Variants in CLSTN2 observed in about 807,000 individuals in gnomAD.
CLSTN2 encodes calsyntenin 2, also known as calsyntenin-2.
A neutral mutation model predicts 101.2 loss-of-function variants in CLSTN2; 48 were observed. The ratio of observed to expected loss-of-function variants is 0.47; its 90% CI spans 0.38 to 0.60. CLSTN2 has a LOEUF of 0.60. Among genes scored for constraint, CLSTN2 ranks in the 20% least tolerant of loss-of-function variants. The probability of loss-of-function intolerance (pLI) is 0.00; values close to 1 mark genes in which losing one functional copy is unlikely to be tolerated. For synonymous variants in CLSTN2, 481 were observed against 463.6 expected, an observed-to-expected ratio of 1.04 and a Z score of -0.48; for missense variants, 1,160 against 1,238.2, an observed-to-expected ratio of 0.94 and a Z score of 0.95.
intron 1 of CLSTN2, among the ~76,000 whole-genome samples, chr3:140,026,266 G>C (rs938136878): frequency 6.6e-6 from 1 of 152,126 alleles, no homozygotes; most frequent in African/African-American, 2.4e-5. Flanking sequence ...TTTGTTGGGG[G>C]GAAAGTGCCG....
chr3:140,538,720 G>A (rs918662151), intron 9 of CLSTN2, among the ~76,000 whole-genome samples: 1 of 152,114 alleles, frequency 6.6e-6, no homozygotes, highest in Non-Finnish European at 1.5e-5. Context: ...GAGTCCCTAG[G>A]GTGTCTACAG....
At chr3:140,122,819 TTTG>T (rs1441398116) in intron 1 of CLSTN2, among the ~76,000 whole-genome samples, 11 of 152,138 alleles carry the variant, frequency 7.2e-5, no homozygotes, top group Admixed American at 4.6e-4. Context: ...GGTCACATAT[TTTG>T]TTGTTCTTCT....
chr3:140,511,541 CTTTT>C (rs59924727), intron 8 of CLSTN2, among the ~76,000 whole-genome samples: 25 of 70,876 alleles, frequency 3.5e-4, no homozygotes, highest in African/African-American at 1.5e-3. Flanking sequence ...TGTTTCTGGA[CTTTT>C]TTTTTTTTTT....
chr3:140,489,194 C>G (rs778171519), intron 8 of CLSTN2, among the ~76,000 whole-genome samples: 4 of 151,904 alleles, frequency 2.6e-5, no homozygotes, highest in African/African-American at 9.7e-5. Flanking sequence ...GGAGGAGAAT[C>G]GTGGTTGACA....
At chr3:140,219,888 A>G (rs2086251539) in intron 2 of CLSTN2, among the ~76,000 whole-genome samples, 1 of 151,970 alleles carries the variant, frequency 6.6e-6, no homozygotes, top group Non-Finnish European at 1.5e-5. Context: ...CTTACTGAGT[A>G]CTCTCTCTTT....
chr3:140,434,524 G>A (rs1250940035), intron 5 of CLSTN2, among the ~76,000 whole-genome samples: 1 of 152,210 alleles, frequency 6.6e-6, no homozygotes, highest in African/African-American at 2.4e-5. Flanking sequence ...GCAAAGCCTA[G>A]GGTCTGTGAG....
intron 1 of CLSTN2, among the ~76,000 whole-genome samples, chr3:139,973,254 A>G (rs527775043): frequency 1.3e-5 from 2 of 152,344 alleles, no homozygotes; most frequent in Admixed American, 6.5e-5. Flanking sequence ...CCACATCTCC[A>G]TGGCTGCCTT....
At chr3:139,937,303 GAGGT>G (rs1272174548) in intron 1 of CLSTN2, among the ~76,000 whole-genome samples, 1 of 152,122 alleles carries the variant, frequency 6.6e-6, no homozygotes, top group Non-Finnish European at 1.5e-5. Context: ...AAGCTTCATA[GAGGT>G]AAGCGAGAAA....
At chr3:140,226,173 C>T (rs1364071664) in intron 2 of CLSTN2, among the ~76,000 whole-genome samples, 3 of 152,118 alleles carry the variant, frequency 2.0e-5, no homozygotes, top group Non-Finnish European at 4.4e-5. Flanking sequence ...CTTAAAATAA[C>T]CACAGAAATG....
chr3:140,451,848 A>G (rs1393480675), intron 6 of CLSTN2, among the ~76,000 whole-genome samples: 2 of 152,208 alleles, frequency 1.3e-5, no homozygotes, highest in Non-Finnish European at 2.9e-5. Flanking sequence ...TTTAAGCCTC[A>G]GTATTCATGC....
intron 2 of CLSTN2, among the ~76,000 whole-genome samples, chr3:140,235,012 A>C (rs942828133): frequency 2.0e-5 from 3 of 152,162 alleles, no homozygotes; most frequent in Non-Finnish European, 2.9e-5. Context: ...TGGATATGAG[A>C]CTTATCTCCT....
At chr3:140,182,384 G>A (rs1000745928) in intron 2 of CLSTN2, among the ~76,000 whole-genome samples, 3 of 152,134 alleles carry the variant, frequency 2.0e-5, no homozygotes, top group African/African-American at 7.2e-5. Context: ...AGAACCACAT[G>A]GGATATTGGG....
At chr3:140,490,949 C>T (rs532111480) in intron 8 of CLSTN2, among the ~76,000 whole-genome samples, 6 of 152,180 alleles carry the variant, frequency 3.9e-5, no homozygotes, top group African/African-American at 1.2e-4. Context: ...CTTCTAATAG[C>T]AGTTTATCCA....
At chr3:139,965,861 C>T (rs139112121) in intron 1 of CLSTN2, among the ~76,000 whole-genome samples, 4 of 152,328 alleles carry the variant, frequency 2.6e-5, no homozygotes, top group African/African-American at 9.6e-5. Context: ...TTTTCCCCAA[C>T]AAACCAGTGA....
intron 5 of CLSTN2, among the ~76,000 whole-genome samples, chr3:140,425,045 C>T (rs975548858): frequency 6.6e-6 from 1 of 152,236 alleles, no homozygotes; most frequent in Non-Finnish European, 1.5e-5. Flanking sequence ...TCACAAGCAA[C>T]TGGAGTAACC....
chr3:140,275,892 G>A (rs1332573735), intron 2 of CLSTN2, among the ~76,000 whole-genome samples: 1 of 152,132 alleles, frequency 6.6e-6, no homozygotes, highest in Non-Finnish European at 1.5e-5. Flanking sequence ...GAATGTTACA[G>A]GGTTATGCTT....
At chr3:139,937,260 T>C (rs886678935) in intron 1 of CLSTN2, among the ~76,000 whole-genome samples, 4 of 152,028 alleles carry the variant, frequency 2.6e-5, no homozygotes, top group Non-Finnish European at 5.9e-5. Context: ...TGAGTAGTAA[T>C]AATGCACGGC....
At chr3:140,485,523 C>A (rs1007923655) in intron 8 of CLSTN2, among the ~76,000 whole-genome samples, 2 of 152,146 alleles carry the variant, frequency 1.3e-5, no homozygotes, top group Non-Finnish European at 2.9e-5. Context: ...GTTTCTGCTG[C>A]CTTTTGTTTG....
At chr3:140,427,173 CAAAA>C (rs11422400) in intron 5 of CLSTN2, among the ~76,000 whole-genome samples, 59 of 89,514 alleles carry the variant, frequency 6.6e-4, no homozygotes, top group African/African-American at 1.7e-3. Flanking sequence ...GAGACTGTCT[CAAAA>C]AAAAAAAATA....
Sources: gnomAD v4.1 joint callset for allele counts (sites outside exome capture counted in the v4.1 genomes callset) on GRCh38, gnomAD v4.1.1 for gene constraint, MANE v1.5 for transcripts, NCBI Gene and HGNC (gene_info 2026-07-23, HGNC 2026-07-21) for gene names.